NBAS: variants seen among roughly 807,000 people sequenced by gnomAD.
NBAS encodes the protein NBAS subunit of NRZ tethering complex.
NBAS carries 219 observed loss-of-function variants against 302.5 expected under a neutral mutation model. The observed-to-expected ratio is 0.72, with a 90% CI of 0.65 to 0.81. The LOEUF (loss-of-function observed/expected upper bound fraction) is 0.81, where lower values mean the gene tolerates loss of function less well. NBAS is among the 30% of genes least tolerant of loss of function. NBAS has a pLI of 0.00. For synonymous variants in NBAS, 1,118 were observed against 1,021.6 expected (o/e 1.09, Z -1.80); for missense variants, 2,932 against 2,841.6 (o/e 1.03, Z -0.72).
At chr2:15,241,997 G>A (rs1342677629) in intron 44 of NBAS, among the ~76,000 whole-genome samples, 1 of 151,950 alleles carries the variant, frequency 6.6e-6, no homozygotes, top group Non-Finnish European at 1.5e-5. Context: ...TTTTTGCAAG[G>A]CAAATTCCCA....
chr2:15,463,402 T>G (rs1448272700), intron 19 of NBAS, among the ~76,000 whole-genome samples: 11 of 152,130 alleles, frequency 7.2e-5, no homozygotes, highest in Admixed American at 7.2e-4. Flanking sequence ...ATGAAACACT[T>G]CAATGTCTAA....
At chr2:15,288,811 A>G (rs1294796991) in intron 41 of NBAS, among the ~76,000 whole-genome samples, 2 of 152,216 alleles carry the variant, frequency 1.3e-5, no homozygotes, top group African/African-American at 4.8e-5. Flanking sequence ...AAGCTAAGGA[A>G]ACCATGCCAT....
chr2:15,010,548 GTAGT>G, the NBAS span, among the ~76,000 whole-genome samples: 1 of 152,108 alleles, frequency 6.6e-6, no homozygotes, highest in Non-Finnish European at 1.5e-5. Flanking sequence ...CCAAGTTCAA[GTAGT>G]TAGTCACATT....
Position 15,325,709 on chromosome 2 carries a change from G to A in NBAS, c.4582+2041C>T, listed in dbSNP as rs567906365. On this transcript the variant is annotated intron_variant, in intron 38 of 51. Coordinates refer to ENST00000281513, the MANE Select transcript of NBAS (RefSeq NM_015909.4). ...TCCACATCAGCAATAAGGTTGTTTTGCTTTCTTATCATCTGCGTGTTCACT... is the reference window on the plus strand; with the variant it reads ...TCCACATCAGCAATAAGGTTGTTTTACTTTCTTATCATCTGCGTGTTCACT... 1.5e-3 allele frequency among the ~76,000 whole-genome samples: 235 copies of A among 152,286 alleles called. 3 individuals are homozygous for A. The highest frequency in any genetic ancestry group is 1.2e-3 in the Non-Finnish European group (81 of 68,022).
intron 42 of NBAS, among the ~76,000 whole-genome samples, chr2:15,280,688 T>C (rs1410050926): frequency 6.6e-6 from 1 of 152,174 alleles, no homozygotes; most frequent in Non-Finnish European, 1.5e-5. Flanking sequence ...TGGGTACAGT[T>C]CAGCTGCAGT....
rs567152488 is a variant in NBAS at position 15,351,070 on chromosome 2, T to C, written c.4179+922A>G. Among the ~76,000 whole-genome samples, 23 of 152,284 alleles carry C rather than the reference T, an allele frequency of 1.5e-4. No individual in the cohort carries two copies. The South Asian group carries it at 4.4e-3, about 29-fold the overall frequency. Reference sequence around the variant, plus strand: ...GTCACATTATTTTTAGTCACCAAAATTGAAAACAAACCAAGGTCAATCAGT... The same window carrying C: ...GTCACATTATTTTTAGTCACCAAAACTGAAAACAAACCAAGGTCAATCAGT... On this transcript the variant is annotated intron_variant, in intron 35 of 51. Transcript: ENST00000281513.
chr2:15,303,833 C>G (rs1670915107), intron 40 of NBAS, among the ~76,000 whole-genome samples: 1 of 152,226 alleles, frequency 6.6e-6, no homozygotes, highest in African/African-American at 2.4e-5. Flanking sequence ...GTGGAGCCAG[C>G]TTTTCAGCTT....
At chr2:15,226,897 T>C (rs1572483471) in intron 47 of NBAS, among the ~76,000 whole-genome samples, 1 of 152,210 alleles carries the variant, frequency 6.6e-6, no homozygotes, top group East Asian at 1.9e-4. Flanking sequence ...TAGATGCCTT[T>C]TACTTCCTTC....
chr2:14,994,394 T>A, the NBAS span, among the ~76,000 whole-genome samples: 2 of 152,176 alleles, frequency 1.3e-5, no homozygotes, highest in African/African-American at 4.8e-5. Flanking sequence ...TCTTGCTGAA[T>A]TTCTCTAAAC....
At chr2:15,416,897 A>G (rs915893731) in intron 24 of NBAS, among the ~76,000 whole-genome samples, 1 of 152,140 alleles carries the variant, frequency 6.6e-6, no homozygotes, top group African/African-American at 2.4e-5. Flanking sequence ...GGGAGGAAAA[A>G]GAACCTATCA....
intron 21 of NBAS, among the ~76,000 whole-genome samples, chr2:15,446,302 G>A (rs1296155413): frequency 1.3e-5 from 2 of 152,090 alleles, no homozygotes; most frequent in African/African-American, 2.4e-5. Context: ...TTAAAAGCAT[G>A]CAAAGAAAAC....
chr2:15,449,699 C>A (rs954179392), intron 21 of NBAS, among the ~76,000 whole-genome samples: 3 of 152,164 alleles, frequency 2.0e-5, no homozygotes, highest in Non-Finnish European at 4.4e-5. Context: ...GATCCTAACC[C>A]TGTTCCCAGC....
chr2:15,077,066 A>G, the NBAS span, among the ~76,000 whole-genome samples: 1 of 152,174 alleles, frequency 6.6e-6, no homozygotes, highest in Non-Finnish European at 1.5e-5. Flanking sequence ...ATAAAGAACT[A>G]CCTGAGACTG....
the NBAS span, among the ~76,000 whole-genome samples, chr2:15,074,455 A>G: frequency 2.6e-5 from 4 of 151,856 alleles, no homozygotes; most frequent in Admixed American, 2.6e-4. Context: ...GGGAGGAAAT[A>G]TCAAGGAAAA....
chr2:14,944,952 A>C, the NBAS span, among the ~76,000 whole-genome samples: 2 of 152,220 alleles, frequency 1.3e-5, no homozygotes, highest in Non-Finnish European at 2.9e-5. Context: ...CAGGAGAAGC[A>C]TCATGAGTGC....
intron 6 of NBAS, among the ~76,000 whole-genome samples, chr2:15,543,845 T>C (rs1663973111): frequency 6.6e-6 from 1 of 152,220 alleles, no homozygotes; most frequent in South Asian, 2.1e-4. Context: ...TTGTCAGACA[T>C]TTTATTGTCT....
At chr2:14,803,520 G>A in the NBAS span, among the ~76,000 whole-genome samples, 1 of 152,198 alleles carries the variant, frequency 6.6e-6, no homozygotes, top group Non-Finnish European at 1.5e-5. Flanking sequence ...TCCCCAGGTA[G>A]TAAGCTGAGA....
chr2:15,500,378 A>G (rs959053896), intron 11 of NBAS, among the ~76,000 whole-genome samples: 9 of 152,082 alleles, frequency 5.9e-5, no homozygotes, highest in African/African-American at 2.2e-4. Context: ...TATATATTCA[A>G]TAATAAATAT....
At chr2:15,156,562 G>T in the NBAS span, among the ~76,000 whole-genome samples, 5 of 152,150 alleles carry the variant, frequency 3.3e-5, no homozygotes, top group African/African-American at 1.2e-4. Context: ...ATGGTGGGAG[G>T]GGTGAACACC....
Sources: allele counts gnomAD v4.1 joint callset (sites outside exome capture counted in the v4.1 genomes callset), GRCh38; gene constraint gnomAD v4.1.1; transcripts MANE v1.5; gene names NCBI Gene and HGNC (gene_info 2026-07-23, HGNC 2026-07-21).